The following PABPC4L variants were observed in gnomAD, a reference collection of about 807,000 sequenced individuals.
PABPC4L encodes the protein polyadenylate-binding protein 4-like.
For missense variants in PABPC4L, 452 were observed against 451.4 expected, an observed-to-expected ratio of 1.00 and a Z score of -0.01; for synonymous variants, 169 against 164.1, an observed-to-expected ratio of 1.03 and a Z score of -0.23.
chr4:134,002,027 T>C, the PABPC4L span, among the ~76,000 whole-genome samples: 1 of 152,008 alleles, frequency 6.6e-6, no homozygotes, highest in African/African-American at 2.4e-5. Flanking sequence ...GCCTGAAAAC[T>C]GAATTTCAAA....
At chr4:133,990,740 C>G in the PABPC4L span, among the ~76,000 whole-genome samples, 6 of 152,138 alleles carry the variant, frequency 3.9e-5, no homozygotes, top group African/African-American at 1.4e-4. Flanking sequence ...GCCGACCCCC[C>G]CAGTAGAGAG....
At chr4:133,971,102 T>C in the PABPC4L span, among the ~76,000 whole-genome samples, 17 of 139,396 alleles carry the variant, frequency 1.2e-4, no homozygotes, top group South Asian at 6.9e-4. Context: ...GTAAATCTTA[T>C]ATTCTTTTTT....
At chr4:134,041,401 A>T in the PABPC4L span, among the ~76,000 whole-genome samples, 1 of 152,130 alleles carries the variant, frequency 6.6e-6, no homozygotes, top group East Asian at 1.9e-4. Flanking sequence ...GCCATAAAAG[A>T]AAAGGATGAG....
At chr4:134,043,979 G>A in the PABPC4L span, among the ~76,000 whole-genome samples, 1 of 151,552 alleles carries the variant, frequency 6.6e-6, no homozygotes, top group East Asian at 2.0e-4. Context: ...CTGTCACCTA[G>A]AATGTGTCTC....
In PABPC4L at chr4:134,199,649, T is replaced by C. The variant is rs148883920; in HGVS notation, c.*258A>G. On this transcript the variant is annotated 3_prime_UTR_variant, in exon 2 of 2. Coordinates refer to ENST00000421491, the MANE Select transcript of PABPC4L (RefSeq NM_001114734.2). ...TAAAAATATATCTATTTATACTTAT[T>C]GCTATGAACATATCAAAATAAGAAA... 5.2e-6 allele frequency: 2 copies of C among 388,100 alleles called. No individual in the cohort carries two copies. The highest frequency in any genetic ancestry group is 2.1e-5 in the African/African-American group (1 of 47,698). 24.0% of individuals were successfully genotyped at this position (388,100 alleles called of 1,614,324 possible).
At chr4:134,186,864 C>T in the PABPC4L span, among the ~76,000 whole-genome samples, 7 of 152,030 alleles carry the variant, frequency 4.6e-5, no homozygotes, top group Non-Finnish European at 8.8e-5. Flanking sequence ...CAAACAACCC[C>T]ATCAAAAAGT....
chr4:134,086,736 T>C, the PABPC4L span, among the ~76,000 whole-genome samples: 4 of 151,470 alleles, frequency 2.6e-5, no homozygotes, highest in Admixed American at 6.6e-5. Context: ...TTTTTTTTTT[T>C]CTGGATGATA....
the PABPC4L span, among the ~76,000 whole-genome samples, chr4:133,991,482 G>A: frequency 6.6e-6 from 1 of 152,164 alleles, no homozygotes; most frequent in Non-Finnish European, 1.5e-5. Context: ...TCCAAGGCAG[G>A]CTTGAGGGCT....
chr4:133,974,124 G>A, the PABPC4L span, among the ~76,000 whole-genome samples: 1 of 152,126 alleles, frequency 6.6e-6, no homozygotes, highest in Non-Finnish European at 1.5e-5. Flanking sequence ...ACAAATTGCA[G>A]TAATCAAGAG....
the PABPC4L span, among the ~76,000 whole-genome samples, chr4:134,122,644 A>G: frequency 6.6e-6 from 1 of 151,876 alleles, no homozygotes; most frequent in Non-Finnish European, 1.5e-5. Flanking sequence ...ATTTTAAAAC[A>G]AACTTGATAG....
At position 134,200,681 on chromosome 4, in the gene PABPC4L, G is replaced by C. The variant is rs148158639; in HGVS notation, c.339C>G (p.Thr113=). The C allele has an allele frequency of 2.4e-5, 38 of 1,551,584 alleles. No homozygotes were observed. In the East Asian group the frequency reaches 7.6e-4, roughly 31 times the overall value. Residue 113 remains threonine, a synonymous_variant, in exon 2 of 2, where the codon ACC becomes ACG. Coordinates refer to ENST00000421491, the MANE Select transcript of PABPC4L (RefSeq NM_001114734.2). Reference sequence around the variant, plus strand: ...CAAAAGCTGAAAAATGTTCATAAAGGGTTTTGTTATCGATAGATTTGTCCA... The same window carrying C: ...CAAAAGCTGAAAAATGTTCATAAAGCGTTTTGTTATCGATAGATTTGTCCA... ...KNLDKSIDNK[T]LYEHFSAFGK...
the PABPC4L span, among the ~76,000 whole-genome samples, chr4:134,118,178 G>A: frequency 6.6e-6 from 1 of 151,820 alleles, no homozygotes; most frequent in African/African-American, 2.4e-5. Flanking sequence ...GTACCCATGA[G>A]AGAGTGACAG....
chr4:134,111,370 A>C, the PABPC4L span, among the ~76,000 whole-genome samples: 1 of 152,040 alleles, frequency 6.6e-6, no homozygotes, highest in Non-Finnish European at 1.5e-5. Flanking sequence ...AAAAACATTC[A>C]AACGATAACA....
the PABPC4L span, among the ~76,000 whole-genome samples, chr4:134,026,640 A>G: frequency 6.6e-6 from 1 of 152,054 alleles, no homozygotes; most frequent in Non-Finnish European, 1.5e-5. Flanking sequence ...AAATTCATAT[A>G]TTGACGTCGT....
At chr4:133,969,855 C>T in the PABPC4L span, among the ~76,000 whole-genome samples, 7 of 152,050 alleles carry the variant, frequency 4.6e-5, no homozygotes, top group East Asian at 1.4e-3. Context: ...ATCCAGCTAC[C>T]CTTTTCCTCT....
At chr4:134,159,860 C>T in the PABPC4L span, among the ~76,000 whole-genome samples, 2 of 152,138 alleles carry the variant, frequency 1.3e-5, no homozygotes, top group African/African-American at 2.4e-5. Flanking sequence ...ATGAGCAGCT[C>T]ACAGGCAGCC....
the PABPC4L span, among the ~76,000 whole-genome samples, chr4:134,135,685 T>C: frequency 6.6e-6 from 1 of 151,610 alleles, no homozygotes; most frequent in Non-Finnish European, 1.5e-5. Context: ...TACAAAAAAT[T>C]AGCTGGGCAT....
the PABPC4L span, among the ~76,000 whole-genome samples, chr4:134,123,816 TA>T: frequency 3.4e-4 from 49 of 143,764 alleles, no homozygotes; most frequent in Admixed American, 4.9e-4. Context: ...TGGTAGTTCT[TA>T]AAAAAAAAAA....
chr4:134,068,062 C>T, the PABPC4L span, among the ~76,000 whole-genome samples: 3 of 152,000 alleles, frequency 2.0e-5, no homozygotes, highest in East Asian at 3.9e-4. Context: ...GAGATCAGGT[C>T]GTGAATATGT....
Sources: gnomAD v4.1 joint callset for allele counts (sites outside exome capture counted in the v4.1 genomes callset) on GRCh38, gnomAD v4.1.1 for gene constraint, MANE v1.5 for transcripts, NCBI Gene and HGNC (gene_info 2026-07-23, HGNC 2026-07-21) for gene names.